HNRNPH1: variants seen among roughly 807,000 people sequenced by gnomAD.
HNRNPH1 encodes the protein heterogeneous nuclear ribonucleoprotein H.
In HNRNPH1, 4 loss-of-function variants were observed where a neutral mutation model predicts 58.6. That is an observed-to-expected ratio of 0.07 (90% CI 0.03 to 0.16). The LOEUF is 0.16. HNRNPH1 is among the 10% of genes least tolerant of loss of function. HNRNPH1 has a pLI of 1.00. For synonymous variants in HNRNPH1, 192 were observed against 189.2 expected (o/e 1.01, Z -0.12); for missense variants, 271 against 564.2 (o/e 0.48, Z 5.26).
rs779149108 is a variant in HNRNPH1 at position 179,619,457 on chromosome 5, C to G, written c.398-50G>C. The G allele has an allele frequency of 6.5e-6, 10 of 1,539,612 alleles. No individual in the cohort carries two copies. In the Admixed American group the frequency reaches 7.4e-5, roughly 11 times the overall value. On this transcript the variant is annotated intron_variant, in intron 3 of 12. Transcript: ENST00000356731. ...CAGTAGGGGGGCAATATTAACATCA[C>G]AAGCCCAGAAATGATTCTTCTTATA...
rs1772372687 is a variant in HNRNPH1 at position 179,621,611 on chromosome 5, A to G, written c.98-214T>C. 4 of 565,386 alleles carry G rather than the reference A, an allele frequency of 7.1e-6. 1 individual carries two copies. The Admixed American group carries it at 1.3e-4, about 19-fold the overall frequency. 35.0% of individuals were successfully genotyped at this position (565,386 alleles called of 1,614,324 possible). ...TATTTCCAACCCATCAACAACATACAATATTCAAAGCAGTTTCAGAATGAA... is the reference window on the plus strand; with the variant it reads ...TATTTCCAACCCATCAACAACATACGATATTCAAAGCAGTTTCAGAATGAA... On this transcript the variant is annotated intron_variant, in intron 1 of 12. Transcript: ENST00000356731.
chr5:179,632,154 A>AAC (rs1466422116), intron 2 of HNRNPH1, among the ~76,000 whole-genome samples: 2 of 152,020 alleles, frequency 1.3e-5, no homozygotes, highest in African/African-American at 4.8e-5. Flanking sequence ...AAAATACAAA[A>AAC]AAAATTATCC....
At chr5:179,625,487 CAAAAAAAAA>C, upstream of HNRNPH1, among the ~76,000 whole-genome samples, 1 of 86,320 alleles carries the variant, frequency 1.2e-5, no homozygotes, top group Non-Finnish European at 2.3e-5. Context: ...GACTCCCTCT[CAAAAAAAAA>C]AAAAAAAAAA....
exon 1 of HNRNPH1, chr5:179,623,917 C>T (rs10066669): frequency 0.41 from 62,199 of 152,172 alleles, 13,499 homozygotes; most frequent in East Asian, 0.72. Flanking sequence ...CTTCGGAGTC[C>T]TAGCGGTTTA....
At chr5:179,615,769 C>A in intron 11 of HNRNPH1, 174 bp from the exon 13 acceptor site, 1 of 523,098 alleles carries the variant, frequency 1.9e-6, no homozygotes. Context: ...TGACTTAATG[C>A]TAACCAAAAG....
At chr5:179,617,896 C>A in exon 7 of HNRNPH1, 1 of 1,613,970 alleles carries the variant, frequency 6.2e-7, no homozygotes, top group Non-Finnish European at 8.5e-7. Flanking sequence ...ATCCCCGTAT[C>A]TGTGATCAGA....
chr5:179,625,487 C>CAAA (rs36011321), upstream of HNRNPH1, among the ~76,000 whole-genome samples: 11 of 86,302 alleles, frequency 1.3e-4, no homozygotes, highest in East Asian at 3.4e-4. Flanking sequence ...GACTCCCTCT[C>CAAA]AAAAAAAAAA....
upstream of HNRNPH1, among the ~76,000 whole-genome samples, chr5:179,628,456 C>T (rs13163768): frequency 0.043 from 6,615 of 152,172 alleles, 433 homozygotes; most frequent in African/African-American, 0.14. Context: ...CAGATTCAAG[C>T]GATTCTCCTA....
intron 2 of HNRNPH1, among the ~76,000 whole-genome samples, chr5:179,632,026 G>A (rs567035551): frequency 1.3e-5 from 2 of 152,286 alleles, no homozygotes; most frequent in East Asian, 1.9e-4. Flanking sequence ...GGGCGTCTCG[G>A]CCGGGCGCGG....
chr5:179,620,155 A>C (rs576795064), intron 3 of HNRNPH1: 3 of 152,228 alleles, frequency 2.0e-5, no homozygotes, highest in African/African-American at 7.2e-5. Context: ...CTCGATACAT[A>C]TATCAATTTT....
At chr5:179,621,994 G>A (rs1391589954) in intron 1 of HNRNPH1, 4 of 456,114 alleles carry the variant, frequency 8.8e-6, no homozygotes, top group Non-Finnish European at 1.8e-5. Context: ...CAGATAGTAA[G>A]TCAATACTAC....
At chr5:179,617,307 A>AT in intron 8 of HNRNPH1, 197 bp from the exon 10 acceptor site, 1 of 731,826 alleles carries the variant, frequency 1.4e-6, no homozygotes, top group Non-Finnish European at 2.2e-6. Flanking sequence ...TCAATTAAGG[A>AT]TATACACTTC....
chr5:179,622,433 A>T (rs1293452013), intron 1 of HNRNPH1, among the ~76,000 whole-genome samples: 1 of 152,216 alleles, frequency 6.6e-6, no homozygotes, highest in Non-Finnish European at 1.5e-5. Context: ...CACCCGGGCC[A>T]GGCGCGGTGG....
At chr5:179,618,522 G>GAA (rs750930795) in intron 4 of HNRNPH1, 199 bp from the exon 6 acceptor site, 1,265 of 285,064 alleles carry the variant, frequency 4.4e-3, no homozygotes, top group East Asian at 7.2e-3. Context: ...AAACTTTATA[G>GAA]AAAAAAAAAA....
chr5:179,623,063 G>T, exon 1 of HNRNPH1: 1 of 1,601,150 alleles, frequency 6.2e-7, no homozygotes, highest in Non-Finnish European at 8.5e-7. Flanking sequence ...CACTTCATCG[G>T]CCGAGCAAGA....
chr5:179,615,007 G>A lies in HNRNPH1; in HGVS notation c.*1-48C>T, dbSNP rs958416846. The A allele has an allele frequency of 2.1e-5, 23 of 1,103,306 alleles. No individual in the cohort carries two copies. The East Asian group carries it at 4.6e-4, about 22-fold the overall frequency. The allele number at this position is 1,103,306 out of a possible 1,614,324, so 68.3% of individuals were successfully genotyped here. A position where few individuals can be genotyped will look rare whatever the true frequency, so the allele number is the denominator to read the frequency against. ...AGTTAGGAGTAATATCAGACTACCA[G>A]TCAAATAAAATATAGTATTCCAAGA... On this transcript the variant is annotated intron_variant, in intron 12 of 12. Coordinates refer to ENST00000356731, the Ensembl canonical transcript of HNRNPH1.
chr5:179,616,538 C>G (rs1052570610), intron 10 of HNRNPH1: 7 of 511,586 alleles, frequency 1.4e-5, no homozygotes, highest in East Asian at 3.4e-5. Context: ...CAGTTTGATA[C>G]ATCAAAGGCA....
At chr5:179,632,941 TC>T (rs1774972804) in intron 2 of HNRNPH1, among the ~76,000 whole-genome samples, 1 of 140,196 alleles carries the variant, frequency 7.1e-6, no homozygotes, top group African/African-American at 2.7e-5. Context: ...CACTGCAACA[TC>T]CAGCTCCTGT....
upstream of HNRNPH1, among the ~76,000 whole-genome samples, chr5:179,626,534 G>A (rs540390981): frequency 6.6e-6 from 1 of 151,452 alleles, no homozygotes; most frequent in Non-Finnish European, 1.5e-5. Context: ...TGACCAACAT[G>A]GTGAAACCCC....
Sources: gnomAD v4.1 joint callset for allele counts (sites outside exome capture counted in the v4.1 genomes callset) on GRCh38, gnomAD v4.1.1 for gene constraint, MANE v1.5 for transcripts, NCBI Gene and HGNC (gene_info 2026-07-23, HGNC 2026-07-21) for gene names.